The following MARCHF1 variants were observed in gnomAD, a reference collection of about 807,000 sequenced individuals.
MARCHF1 encodes E3 ubiquitin-protein ligase MARCHF1.
In MARCHF1, 40 loss-of-function variants were observed where a neutral mutation model predicts 54.2. That is an observed-to-expected ratio of 0.74 (90% CI 0.57 to 0.96). MARCHF1 has a LOEUF of 0.96. Among genes scored for constraint, MARCHF1 ranks in the 40% least tolerant of loss-of-function variants. The pLI is 0.00. For missense variants in MARCHF1, 586 were observed against 656.5 expected (o/e 0.89, Z 1.17); for synonymous variants, 236 against 236.3 (o/e 1.00, Z 0.01).
chr4:163,730,971 C>T (rs534671842), intron 4 of MARCHF1, among the ~76,000 whole-genome samples: 75 of 152,230 alleles, frequency 4.9e-4, no homozygotes, highest in Non-Finnish European at 1.0e-4. Context: ...ACTTACACTA[C>T]CCCAGGGATT....
chr4:163,677,695 C>G (rs1232752268), intron 5 of MARCHF1, among the ~76,000 whole-genome samples: 2 of 152,198 alleles, frequency 1.3e-5, no homozygotes, highest in Non-Finnish European at 2.9e-5. Flanking sequence ...CTCTACTCAT[C>G]TTTGTCAGTC....
intron 1 of MARCHF1, among the ~76,000 whole-genome samples, chr4:164,218,477 G>A (rs1471002886): frequency 6.6e-6 from 1 of 151,878 alleles, no homozygotes; most frequent in Non-Finnish European, 1.5e-5. Flanking sequence ...AAAGGAATAG[G>A]AAGAAAATGT....
chr4:163,880,501 C>A (rs1185801725), intron 3 of MARCHF1, among the ~76,000 whole-genome samples: 3 of 150,986 alleles, frequency 2.0e-5, no homozygotes, highest in Non-Finnish European at 4.4e-5. Context: ...ATTTCTAATA[C>A]AGTTATATAT....
At chr4:163,873,730 G>A (rs1750229850) in intron 3 of MARCHF1, among the ~76,000 whole-genome samples, 2 of 152,178 alleles carry the variant, frequency 1.3e-5, no homozygotes, top group Non-Finnish European at 2.9e-5. Flanking sequence ...CTTCCTTCCT[G>A]TTCTTGGACT....
intron 3 of MARCHF1, among the ~76,000 whole-genome samples, chr4:163,890,270 C>G (rs1056340695): frequency 6.6e-6 from 1 of 152,076 alleles, no homozygotes; most frequent in Non-Finnish European, 1.5e-5. Flanking sequence ...AATGTATGTT[C>G]TAATTTCTGA....
chr4:164,214,227 A>G (rs1329084318), intron 1 of MARCHF1, among the ~76,000 whole-genome samples: 5 of 152,248 alleles, frequency 3.3e-5, no homozygotes, highest in Non-Finnish European at 7.4e-5. Flanking sequence ...TATATTTTTG[A>G]GTGGTGGTCA....
At chr4:163,904,465 C>G (rs180827267) in intron 3 of MARCHF1, among the ~76,000 whole-genome samples, 40 of 152,176 alleles carry the variant, frequency 2.6e-4, no homozygotes, top group African/African-American at 9.4e-4. Flanking sequence ...AAGAAATTCA[C>G]CCAACAGGGA....
At chr4:164,079,492 A>G (rs1291953578) in intron 2 of MARCHF1, among the ~76,000 whole-genome samples, 1 of 152,168 alleles carries the variant, frequency 6.6e-6, no homozygotes, top group African/African-American at 2.4e-5. Flanking sequence ...ATTGTAATGT[A>G]TTTATCTAGA....
intron 4 of MARCHF1, among the ~76,000 whole-genome samples, chr4:163,801,200 C>G (rs976936415): frequency 6.6e-6 from 1 of 152,008 alleles, no homozygotes; most frequent in African/African-American, 2.4e-5. Context: ...TTCCTCTACC[C>G]ATCCAAACCC....
chr4:163,554,977 G>C (rs1739235281), intron 8 of MARCHF1, among the ~76,000 whole-genome samples: 1 of 152,016 alleles, frequency 6.6e-6, no homozygotes, highest in South Asian at 2.1e-4. Context: ...AGATTTTCAT[G>C]ACAGATGGGA....
At chr4:163,713,279 G>T (rs1160284850) in intron 4 of MARCHF1, among the ~76,000 whole-genome samples, 1 of 152,044 alleles carries the variant, frequency 6.6e-6, no homozygotes, top group East Asian at 1.9e-4. Context: ...GGATCCAAGA[G>T]GAAATAAATA....
intron 3 of MARCHF1, among the ~76,000 whole-genome samples, chr4:163,940,164 T>A (rs1751882805): frequency 1.3e-5 from 2 of 152,124 alleles, no homozygotes; most frequent in African/African-American, 4.8e-5. Flanking sequence ...CCAAATCAAC[T>A]AGTGTCTTGA....
chr4:164,228,454 T>C (rs529209055), intron 1 of MARCHF1, among the ~76,000 whole-genome samples: 3 of 152,332 alleles, frequency 2.0e-5, no homozygotes, highest in African/African-American at 7.2e-5. Flanking sequence ...AAGTTCTTTA[T>C]AGTAGTTAAT....
chr4:163,652,517 C>G (rs945994496), intron 5 of MARCHF1, among the ~76,000 whole-genome samples: 1 of 151,876 alleles, frequency 6.6e-6, no homozygotes, highest in Non-Finnish European at 1.5e-5. Context: ...GGCAGAGTAG[C>G]TTCCTTTTGC....
chr4:163,613,256 C>A (rs1416309074), intron 6 of MARCHF1, 58 bp downstream of exon 6: 1 of 1,511,472 alleles, frequency 6.6e-7, no homozygotes, highest in Non-Finnish European at 8.9e-7. Context: ...GAACAAACAA[C>A]AAGAATACGA....
At chr4:164,039,641 A>T (rs1433782141) in intron 2 of MARCHF1, among the ~76,000 whole-genome samples, 1 of 152,146 alleles carries the variant, frequency 6.6e-6, no homozygotes, top group East Asian at 1.9e-4. Context: ...CTAGAAAGAC[A>T]TAATCTTTTT....
intron 2 of MARCHF1, among the ~76,000 whole-genome samples, chr4:164,034,822 T>A (rs759659485): frequency 5.1e-4 from 78 of 152,210 alleles, no homozygotes; most frequent in Non-Finnish European, 9.6e-4. Context: ...CTTCTCTAAG[T>A]GACTCTGTCA....
At chr4:164,303,250 T>C (rs75006597) in intron 1 of MARCHF1, among the ~76,000 whole-genome samples, 2,233 of 152,348 alleles carry the variant, frequency 0.015, 57 homozygotes, top group East Asian at 0.098. Flanking sequence ...GGAAGGCTTC[T>C]TTCTGCTTTA....
At chr4:163,929,937 A>G (rs1179626010) in intron 3 of MARCHF1, among the ~76,000 whole-genome samples, 1 of 43,050 alleles carries the variant, frequency 2.3e-5, no homozygotes, top group Admixed American at 4.4e-4. Flanking sequence ...AATATATTAT[A>G]TATTTATATT....
Sources: gnomAD v4.1 joint callset for allele counts (sites outside exome capture counted in the v4.1 genomes callset) on GRCh38, gnomAD v4.1.1 for gene constraint, MANE v1.5 for transcripts, NCBI Gene and HGNC (gene_info 2026-07-23, HGNC 2026-07-21) for gene names.